The following VPS50 variants were observed in gnomAD, a reference collection of about 807,000 sequenced individuals.
VPS50 encodes the protein syndetin.
A neutral mutation model predicts 139.7 loss-of-function variants in VPS50; 70 were observed. The observed-to-expected ratio is 0.50, with a 90% CI of 0.41 to 0.61. The LOEUF (loss-of-function observed/expected upper bound fraction) is 0.61, where lower values mean the gene tolerates loss of function less well. VPS50 is among the 20% of genes least tolerant of loss of function. VPS50 has a pLI of 0.00. For missense variants in VPS50, 921 were observed against 1,133.7 expected, an observed-to-expected ratio of 0.81 and a Z score of 2.69; for synonymous variants, 365 against 376.7, an observed-to-expected ratio of 0.97 and a Z score of 0.36.
chr7:93,286,400 A>G (rs1041620538), intron 12 of VPS50, among the ~76,000 whole-genome samples: 5 of 152,138 alleles, frequency 3.3e-5, no homozygotes, highest in East Asian at 1.9e-4. Context: ...CTGAGTTTCA[A>G]TGTTAGGTAT....
At chr7:93,295,147 C>T (rs1275701459) in intron 14 of VPS50, among the ~76,000 whole-genome samples, 1 of 152,030 alleles carries the variant, frequency 6.6e-6, no homozygotes, top group Non-Finnish European at 1.5e-5. Flanking sequence ...CATTTGGGCT[C>T]CTATAACAAA....
At chr7:93,308,407 G>A (rs1228682621) in intron 18 of VPS50, among the ~76,000 whole-genome samples, 2 of 151,832 alleles carry the variant, frequency 1.3e-5, no homozygotes, top group Non-Finnish European at 2.9e-5. Flanking sequence ...TGTTTATTAA[G>A]CTGAAGTAAT....
intron 2 of VPS50, among the ~76,000 whole-genome samples, chr7:93,252,098 AACAGCAATCC>A (rs1795352724): frequency 6.6e-6 from 1 of 152,202 alleles, no homozygotes; most frequent in Non-Finnish European, 1.5e-5. Flanking sequence ...CATTAATTGT[AACAGCAATCC>A]ACTTTGAAGG....
In VPS50 at chr7:93,253,744, A is replaced by T. The variant is rs555784608; in HGVS notation, c.226-116A>T. The T allele has an allele frequency of 4.0e-5, 23 of 577,544 alleles. No homozygotes were observed. The South Asian group carries it at 5.8e-4, about 15-fold the overall frequency. The allele number at this position is 577,544 out of a possible 1,614,324, so 35.8% of individuals were successfully genotyped here. A position where few individuals can be genotyped will look rare whatever the true frequency, so the allele number is the denominator to read the frequency against. On this transcript the variant is annotated intron_variant, in intron 3 of 27. Transcript: ENST00000305866. Reference sequence around the variant, plus strand: ...GACAGGTGGCATGGAGGGCAGTGGGATGTGACACTGTTTTGTATGCACAGT... The same window carrying T: ...GACAGGTGGCATGGAGGGCAGTGGGTTGTGACACTGTTTTGTATGCACAGT...
intron 2 of VPS50, 70 bp downstream of exon 2, chr7:93,240,004 T>C: frequency 1.1e-6 from 1 of 908,240 alleles, no homozygotes; most frequent in South Asian, 1.4e-5. Context: ...TGGATAGTAA[T>C]TGATTCACAG....
At chr7:93,332,826 G>A (rs965490359) in intron 21 of VPS50, among the ~76,000 whole-genome samples, 5 of 140,808 alleles carry the variant, frequency 3.6e-5, no homozygotes, top group African/African-American at 1.1e-4. Context: ...GACTCAACAC[G>A]GATGAATCTC....
chr7:93,352,271 A>G (rs574253839), intron 25 of VPS50, among the ~76,000 whole-genome samples: 82 of 152,346 alleles, frequency 5.4e-4, no homozygotes, highest in Non-Finnish European at 1.0e-3. Context: ...AACAAATACT[A>G]CTACTCTCCT....
intron 25 of VPS50, among the ~76,000 whole-genome samples, chr7:93,352,429 T>C (rs2117089461): frequency 6.6e-6 from 1 of 152,288 alleles, no homozygotes; most frequent in South Asian, 2.1e-4. Flanking sequence ...AAAATTGTGA[T>C]TTAGGAAGTA....
chr7:93,346,073 A>C (rs1309271367), intron 23 of VPS50, among the ~76,000 whole-genome samples: 1 of 152,236 alleles, frequency 6.6e-6, no homozygotes, highest in African/African-American at 2.4e-5. Context: ...GTATATCTAC[A>C]AAACCCCATT....
At chr7:93,257,683 A>G (rs1795528808) in intron 6 of VPS50, 2 of 368,362 alleles carry the variant, frequency 5.4e-6, no homozygotes, top group East Asian at 9.3e-5. Context: ...CTATTTTTAT[A>G]TTATTTAGAC....
intron 24 of VPS50, 96 bp downstream of exon 24, chr7:93,348,903 GT>G: frequency 2.6e-6 from 2 of 770,246 alleles, no homozygotes; most frequent in Non-Finnish European, 4.4e-6. Flanking sequence ...CTGGAAGTCA[GT>G]CTTGAAACCC....
chr7:93,354,758 G>T (rs1020401547), intron 26 of VPS50, among the ~76,000 whole-genome samples: 1 of 152,038 alleles, frequency 6.6e-6, no homozygotes, highest in African/African-American at 2.4e-5. Flanking sequence ...TGCTTACTCT[G>T]CCCATAACAT....
chr7:93,234,671 C>T (rs1339131427), intron 1 of VPS50, among the ~76,000 whole-genome samples: 2 of 151,966 alleles, frequency 1.3e-5, no homozygotes, highest in African/African-American at 4.8e-5. Flanking sequence ...GAAAGTATTT[C>T]TTTTTTTGAA....
At chr7:93,311,045 C>T in intron 19 of VPS50, 121 bp from the exon 20 acceptor site, 3 of 658,944 alleles carry the variant, frequency 4.6e-6, no homozygotes, top group Non-Finnish European at 5.4e-6. Context: ...ATATCTTTAC[C>T]TAATGCATAG....
At chr7:93,323,769 T>A in intron 21 of VPS50, 37 bp downstream of exon 21, 1 of 1,168,298 alleles carries the variant, frequency 8.6e-7, no homozygotes, top group South Asian at 1.7e-5. Flanking sequence ...ATCTTTCTTT[T>A]AAAATTTATT....
chr7:93,325,207 A>G (rs1045107624), intron 21 of VPS50, among the ~76,000 whole-genome samples: 2 of 152,230 alleles, frequency 1.3e-5, no homozygotes, highest in Admixed American at 1.3e-4. Context: ...AGGATTCCCT[A>G]TTTAATAAAT....
intron 16 of VPS50, among the ~76,000 whole-genome samples, chr7:93,299,409 A>C (rs1430066817): frequency 6.6e-6 from 1 of 152,170 alleles, no homozygotes; most frequent in Non-Finnish European, 1.5e-5. Flanking sequence ...AATACTGAAA[A>C]ACTGTATGAA....
At position 93,305,849 on chromosome 7, in the gene VPS50, T is replaced by C; in HGVS notation, c.1474T>C (p.Ser492Pro). 6.2e-7 allele frequency: 1 copy of C among 1,612,424 alleles called. No individual in the cohort carries two copies. The highest frequency in any genetic ancestry group is 1.3e-5 in the African/African-American group (1 of 74,938). Residue 492 changes from serine (S) to proline (P), a missense_variant, in exon 18 of 28, where the codon TCT becomes CCT. Around this residue, in one of 3 missense-constraint regions of VPS50, gnomAD observed 744 missense variants for 930.6 expected, o/e 0.80. Coordinates refer to ENST00000305866, the MANE Select transcript of VPS50 (RefSeq NM_017667.4). Reference protein sequence around the residue: ...QLHEFKFMEQSRSPSVSPSKQ... With the variant: ...QLHEFKFMEQPRSPSVSPSKQ... ...CTAGGAATTTAAATTCATGGAACAG[T>C]CTCGCTCCCCATCAGTTTCACCTAG... is the stretch of plus-strand genomic sequence containing the variant.
In VPS50 at chr7:93,232,600, T is replaced by C. The variant is rs548427577; in HGVS notation, c.33+100T>C. ...CAGTGGCGGGCGGGGATCTAAGTTA[T>C]GGGTGGTGGCAGGTGTCAGGGGGAC... On this transcript the variant is annotated intron_variant, in intron 1 of 27. Transcript: ENST00000305866. 4.3e-5 allele frequency: 47 copies of C among 1,082,350 alleles called. No homozygotes were observed. In the African/African-American group the frequency reaches 6.3e-4, roughly 15 times the overall value. 67.0% of individuals were successfully genotyped at this position (1,082,350 alleles called of 1,614,324 possible).
Sources: allele counts gnomAD v4.1 joint callset (sites outside exome capture counted in the v4.1 genomes callset), GRCh38; gene constraint gnomAD v4.1.1; regional missense constraint gnomAD v4.1.1; transcripts MANE v1.5; gene names NCBI Gene and HGNC (gene_info 2026-07-23, HGNC 2026-07-21).